Variants in RALGAPA1 observed in about 807,000 individuals in gnomAD.
RALGAPA1 encodes the protein ral GTPase-activating protein subunit alpha-1.
Under a neutral mutation model 269.6 loss-of-function variants are expected in RALGAPA1, and 52 were observed. That is an observed-to-expected ratio of 0.19 (90% CI 0.15 to 0.24). The LOEUF is 0.24. Ranked by LOEUF, RALGAPA1 falls within the 10% of genes least tolerant of loss-of-function variation. RALGAPA1 has a pLI of 1.00. For missense variants in RALGAPA1, 1,917 were observed against 3,013.9 expected (o/e 0.64, Z 8.52); for synonymous variants, 817 against 1,008.3 (o/e 0.81, Z 3.60).
At chr14:35,564,709 T>C (rs1174472500) in intron 39 of RALGAPA1, among the ~76,000 whole-genome samples, 2 of 152,190 alleles carry the variant, frequency 1.3e-5, no homozygotes, top group Non-Finnish European at 2.9e-5. Context: ...CATTTAATTA[T>C]ATAATATCCC....
intron 6 of RALGAPA1, among the ~76,000 whole-genome samples, chr14:35,758,128 T>G (rs973011549): frequency 1.2e-4 from 18 of 151,126 alleles, no homozygotes; most frequent in African/African-American, 4.1e-4. Context: ...GGCACACGCC[T>G]GTAATCTCAG....
chr14:35,765,261 A>G (rs754862821), intron 4 of RALGAPA1, among the ~76,000 whole-genome samples: 10 of 152,136 alleles, frequency 6.6e-5, no homozygotes, highest in Non-Finnish European at 1.3e-4. Flanking sequence ...TCAGGCATGA[A>G]AATAGCCAAC....
At position 35,690,816 on chromosome 14, in the gene RALGAPA1, T is replaced by A. The variant is rs2066412304; in HGVS notation, c.2408-813A>T. Among the ~76,000 whole-genome samples, 3 of 152,028 alleles carry A rather than the reference T, an allele frequency of 2.0e-5. No homozygotes were observed. In the South Asian group the frequency reaches 6.2e-4, roughly 32 times the overall value. On this transcript the variant is annotated intron_variant, in intron 17 of 41. Transcript: ENST00000680220. ...TGGGCGCGGTGGCTCACACCTATAA[T>A]CCCAGCACTCTGGGAGGCTGAGGTG... is the stretch of plus-strand genomic sequence containing the variant.
At chr14:35,761,117 A>G (rs1425405361) in intron 5 of RALGAPA1, 111 bp from the exon 6 acceptor site, 2 of 708,492 alleles carry the variant, frequency 2.8e-6, no homozygotes, top group East Asian at 2.8e-5. Context: ...TTCGAGAGGC[A>G]GGGTAGGGAA....
rs375496672 is a variant in RALGAPA1, at chr14:35,631,826, A to C, written c.5995+2748T>G. 7.9e-5 allele frequency among the ~76,000 whole-genome samples: 12 copies of C among 152,342 alleles called. No individual in the cohort carries two copies. In the South Asian group the frequency reaches 1.7e-3, roughly 21 times the overall value. Reference sequence around the variant, plus strand: ...TAAAAAATCATTCAATTTAAAGAGCATTATAAGTAACATAGGTCTTATGAG... The same window carrying C: ...TAAAAAATCATTCAATTTAAAGAGCCTTATAAGTAACATAGGTCTTATGAG... On this transcript the variant is annotated intron_variant, in intron 33 of 41. Transcript: ENST00000680220.
intron 1 of RALGAPA1, among the ~76,000 whole-genome samples, chr14:35,794,952 A>AAT (rs200417045): frequency 0.018 from 2,779 of 152,318 alleles, 83 homozygotes; most frequent in African/African-American, 0.063. Context: ...TCCTTCTCTA[A>AAT]ATATAAAAAA....
rs1401236615 is a variant in RALGAPA1, at chr14:35,589,532, A to G, written c.7209+6102T>C. 2.0e-5 allele frequency among the ~76,000 whole-genome samples: 3 copies of G among 152,334 alleles called. No individual in the cohort carries two copies. The East Asian group carries it at 5.8e-4, about 29-fold the overall frequency. On this transcript the variant is annotated intron_variant, in intron 37 of 41. Coordinates refer to ENST00000680220, the MANE Select transcript of RALGAPA1 (RefSeq NM_001346249.2). ...TCATAAATATATACAATTTCAATTT[A>G]TCAATTAAAAAAGTAAATGTTTAAA...
chr14:35,701,101 G>C (rs564912320), intron 16 of RALGAPA1, among the ~76,000 whole-genome samples: 2 of 152,180 alleles, frequency 1.3e-5, no homozygotes, highest in Non-Finnish European at 2.9e-5. Flanking sequence ...AGTTGCATTT[G>C]ATAATTTCTT....
chr14:35,561,226 CAAAAAAAAAA>C (rs71124706), intron 39 of RALGAPA1, among the ~76,000 whole-genome samples: 1 of 36,782 alleles, frequency 2.7e-5, no homozygotes, highest in African/African-American at 1.6e-4. Context: ...AACTCTGTCT[CAAAAAAAAAA>C]AAAAAAAAAA....
intron 27 of RALGAPA1, among the ~76,000 whole-genome samples, chr14:35,661,833 C>T (rs1452363504): frequency 1.3e-5 from 2 of 152,080 alleles, no homozygotes; most frequent in Non-Finnish European, 2.9e-5. Context: ...TTAGCTAAGA[C>T]ACTGTACTTA....
At chr14:35,721,055 A>G (rs2069372109) in intron 16 of RALGAPA1, among the ~76,000 whole-genome samples, 2 of 152,218 alleles carry the variant, frequency 1.3e-5, no homozygotes, top group Non-Finnish European at 2.9e-5. Flanking sequence ...TAATTCAGCC[A>G]AGTTTATAAA....
chr14:35,586,848 T>G (rs566609191), intron 37 of RALGAPA1, among the ~76,000 whole-genome samples: 2 of 152,362 alleles, frequency 1.3e-5, no homozygotes, highest in East Asian at 3.9e-4. Context: ...GTTGTGCTGC[T>G]GGATTTGGTT....
intron 4 of RALGAPA1, among the ~76,000 whole-genome samples, chr14:35,768,552 G>C (rs1056763965): frequency 6.6e-6 from 1 of 151,934 alleles, no homozygotes. Context: ...AAAGTGAGCT[G>C]GGCCTGGTGG....
intron 4 of RALGAPA1, among the ~76,000 whole-genome samples, chr14:35,764,364 G>A (rs1419627754): frequency 4.0e-5 from 6 of 151,138 alleles, no homozygotes; most frequent in African/African-American, 1.5e-4. Context: ...GGGATTACAC[G>A]TGTGGGCCAC....
At chr14:35,572,083 A>C (rs920621121) in intron 38 of RALGAPA1, among the ~76,000 whole-genome samples, 10 of 152,328 alleles carry the variant, frequency 6.6e-5, no homozygotes, top group Middle Eastern at 3.4e-3. Context: ...TAAGACATCC[A>C]ACTATAGGAT....
At chr14:35,719,963 A>G (rs2069233235) in intron 16 of RALGAPA1, among the ~76,000 whole-genome samples, 1 of 152,158 alleles carries the variant, frequency 6.6e-6, no homozygotes, top group Admixed American at 6.5e-5. Context: ...CATGTTGGTC[A>G]GGCTGGTCTC....
chr14:35,692,640 T>G (rs2066581684), intron 17 of RALGAPA1, among the ~76,000 whole-genome samples: 2 of 151,604 alleles, frequency 1.3e-5, no homozygotes, highest in Non-Finnish European at 3.0e-5. Context: ...ATTTAAACAA[T>G]GTTTTTAAAA....
chr14:35,771,841 T>C (rs192301034), intron 3 of RALGAPA1, among the ~76,000 whole-genome samples: 6 of 152,232 alleles, frequency 3.9e-5, no homozygotes, highest in East Asian at 1.9e-4. Context: ...TAGCAATTCC[T>C]AGAATTTCTA....
At chr14:35,721,928 CAG>C (rs2069452736) in intron 15 of RALGAPA1, 79 bp from the exon 16 acceptor site, 1 of 1,249,526 alleles carries the variant, frequency 8.0e-7, no homozygotes. Flanking sequence ...TACCTTGCCT[CAG>C]AGTCTTAGGT....
Sources: gnomAD v4.1 joint callset for allele counts (sites outside exome capture counted in the v4.1 genomes callset) on GRCh38, gnomAD v4.1.1 for gene constraint, MANE v1.5 for transcripts, NCBI Gene and HGNC (gene_info 2026-07-23, HGNC 2026-07-21) for gene names.